PCDHGB7: variants seen among roughly 807,000 people sequenced by gnomAD.
The protein encoded by PCDHGB7 is protocadherin gamma-B7.
PCDHGB7 carries 37 observed loss-of-function variants against 61.4 expected under a neutral mutation model. The observed-to-expected ratio is 0.60, with a 90% confidence interval of 0.46 to 0.79. The LOEUF is 0.79. Among genes scored for constraint, PCDHGB7 ranks in the 30% least tolerant of loss-of-function variants. The probability of loss-of-function intolerance (pLI) is 0.00; values close to 1 mark genes in which losing one functional copy is unlikely to be tolerated. For synonymous variants in PCDHGB7, 464 were observed against 503.5 expected, an observed-to-expected ratio of 0.92 and a Z score of 1.05; for missense variants, 1,166 against 1,202.5, an observed-to-expected ratio of 0.97 and a Z score of 0.45.
rs1186225096 is a variant in PCDHGB7, at chr5:141,490,605, C to G, written c.2416-4202C>G. The G allele has an allele frequency of 1.1e-5, 18 of 1,614,198 alleles. No homozygotes were observed. Among genetic ancestry groups the G allele is most frequent in the Non-Finnish European group, 1.5e-5 (18 of 1,180,030 alleles). On this transcript the variant is annotated intron_variant, in intron 1 of 3. Transcript: ENST00000398594. The surrounding 1 kb of genome is among the most constrained non-coding windows in gnomAD (Gnocchi z 5.4). ...TCAATGACAATGCACCCCGCTTCAACCAGCAGCTTTACACTGCTTACATCC... is the reference window on the plus strand; with the variant it reads ...TCAATGACAATGCACCCCGCTTCAAGCAGCAGCTTTACACTGCTTACATCC...
rs2096416788 is a variant in PCDHGB7, at chr5:141,419,692, C to T, written c.1833C>T (p.Ala611=). The change falls in exon 1 of 4, where the codon GCC becomes GCT. Residue 611 remains alanine (A), a synonymous_variant. Coordinates refer to ENST00000398594, the MANE Select transcript of PCDHGB7 (RefSeq NM_018927.4). ...GGCTGTCCTACCACGTGGTGCAGGC[C>T]AGTGAGCCCGGGCTCTTCAGCCTGG... ...NAWLSYHVVQ[A]SEPGLFSLGL... The T allele has an allele frequency of 9.3e-6, 15 of 1,612,780 alleles. No individual in the cohort carries two copies. The highest frequency in any genetic ancestry group is 1.3e-5 in the Non-Finnish European group (15 of 1,179,514).
intron 1 of PCDHGB7, chr5:141,430,849 G>A: frequency 6.3e-7 from 1 of 1,582,030 alleles, no homozygotes; most frequent in Non-Finnish European, 8.6e-7. Flanking sequence ...GATGCACCCA[G>A]ATACGCTATT....
intron 1 of PCDHGB7, among the ~76,000 whole-genome samples, chr5:141,482,089 CA>C (rs36035257): frequency 0.43 from 58,297 of 134,322 alleles, 12,050 homozygotes; most frequent in African/African-American, 0.53. Context: ...CACTCCATCT[CA>C]AAAAAAAAAA....
At position 141,485,135 on chromosome 5, in the gene PCDHGB7, G is replaced by A; in HGVS notation, c.2416-9672G>A. 6.7e-7 allele frequency: 1 copy of A among 1,500,498 alleles called. No individual in the cohort carries two copies. Among genetic ancestry groups the A allele is most frequent in the East Asian group, 2.3e-5 (1 of 44,254 alleles). 92.9% of individuals were successfully genotyped at this position (1,500,498 alleles called of 1,614,324 possible). A position where few individuals can be genotyped will look rare whatever the true frequency, so the allele number is the denominator to read the frequency against. On this transcript the variant is annotated intron_variant, in intron 1 of 3. Coordinates refer to ENST00000398594, the MANE Select transcript of PCDHGB7 (RefSeq NM_018927.4). The surrounding 1 kb of genome is among the most constrained non-coding windows in gnomAD (Gnocchi z 5.7). ...TGTTTGGGGCGGGTCGGCTTCATCCGCGTCTCAGGAGCAAGTAGAGAATTA... is the reference window on the plus strand; with the variant it reads ...TGTTTGGGGCGGGTCGGCTTCATCCACGTCTCAGGAGCAAGTAGAGAATTA...
chr5:141,482,205 C>A (rs1478729653), intron 1 of PCDHGB7, among the ~76,000 whole-genome samples: 1 of 151,896 alleles, frequency 6.6e-6, no homozygotes, highest in Non-Finnish European at 1.5e-5. Context: ...TAAAACAGAC[C>A]AGGTACTTGT....
intron 1 of PCDHGB7, among the ~76,000 whole-genome samples, chr5:141,458,336 GA>G (rs762646440): frequency 1.3e-5 from 2 of 152,118 alleles, no homozygotes; most frequent in Non-Finnish European, 2.9e-5. Context: ...TGGTTTTAAG[GA>G]GTGGAGAGTT....
rs552017054 is a variant in PCDHGB7 at position 141,425,594 on chromosome 5, A to G, written c.2415+5320A>G. On this transcript the variant is annotated intron_variant, in intron 1 of 3. Transcript: ENST00000398594. ...GGGTTTGGCTAACTTTATTCTGAAT[A>G]TGCCCTATATAGCTTTCAGTGCTCC... 2.6e-5 allele frequency among the ~76,000 whole-genome samples: 4 copies of G among 152,370 alleles called. No homozygotes were observed. In the South Asian group the frequency reaches 8.3e-4, roughly 32 times the overall value.
chr5:141,419,698 G>A lies in PCDHGB7; in HGVS notation c.1839G>A (p.Glu613=). 1 of 1,612,978 alleles carries A rather than the reference G, an allele frequency of 6.2e-7. No homozygotes were observed. The highest frequency in any genetic ancestry group is 8.5e-7 in the Non-Finnish European group (1 of 1,179,532). ...WLSYHVVQAS[E]PGLFSLGLRT... ...CCTACCACGTGGTGCAGGCCAGTGA[G>A]CCCGGGCTCTTCAGCCTGGGGCTGC... is the stretch of plus-strand genomic sequence containing the variant. The change falls in exon 1 of 4, where the codon GAG becomes GAA. Residue 613 remains glutamate, a synonymous_variant. Coordinates refer to ENST00000398594, the MANE Select transcript of PCDHGB7 (RefSeq NM_018927.4).
Position 141,420,211 on chromosome 5 carries a change from T to C in PCDHGB7, c.2352T>C (p.Asp784=), listed in dbSNP as rs759486952. The change falls in exon 1 of 4, where the codon GAT becomes GAC. Residue 784 remains aspartate (D), a synonymous_variant. Coordinates refer to ENST00000398594, the MANE Select transcript of PCDHGB7 (RefSeq NM_018927.4). ...CPATQDNLNK[D]SMLLASILTP... is the part of the protein sequence containing the mutation. ...CCACACAAGATAACCTCAACAAAGATAGCATGCTACTGGCTAGCATTTTAA... is the reference window on the plus strand; with the variant it reads ...CCACACAAGATAACCTCAACAAAGACAGCATGCTACTGGCTAGCATTTTAA... 11 of 1,612,388 alleles carry C rather than the reference T, an allele frequency of 6.8e-6. No homozygotes were observed. Among genetic ancestry groups the C allele is most frequent in the African/African-American group, 1.3e-5 (1 of 74,896 alleles).
chr5:141,487,595 G>C lies in PCDHGB7; in HGVS notation c.2416-7212G>C. ...TGTTCGCCCAAGCTGCCCACCCTCT[G>C]ATCTTCTCTATGGGCTAGAGGTGAG... On this transcript the variant is annotated intron_variant, in intron 1 of 3. Coordinates refer to ENST00000398594, the MANE Select transcript of PCDHGB7 (RefSeq NM_018927.4). The surrounding 1 kb of genome is among the most constrained non-coding windows in gnomAD (Gnocchi z 5.0). 1 of 1,614,202 alleles carries C rather than the reference G, an allele frequency of 6.2e-7. No homozygotes were observed. The highest frequency in any genetic ancestry group is 8.5e-7 in the Non-Finnish European group (1 of 1,180,038).
intron 1 of PCDHGB7, among the ~76,000 whole-genome samples, chr5:141,472,274 G>A (rs1170341842): frequency 6.6e-6 from 1 of 152,176 alleles, no homozygotes; most frequent in Admixed American, 6.5e-5. Flanking sequence ...GGGCACAGTG[G>A]CTCACACCTG....
chr5:141,499,012 G>GGAAGGAAT, intron 2 of PCDHGB7, among the ~76,000 whole-genome samples: 1 of 147,618 alleles, frequency 6.8e-6, no homozygotes. Context: ...AAGGAAGGAA[G>GGAAGGAAT]GAAGGAAGGA....
At position 141,490,821 on chromosome 5, in the gene PCDHGB7, G is replaced by A. The variant is rs907584239; in HGVS notation, c.2416-3986G>A. On this transcript the variant is annotated intron_variant, in intron 1 of 3. Transcript: ENST00000398594. The surrounding 1 kb of genome is among the most constrained non-coding windows in gnomAD (Gnocchi z 5.4). ...AGCGTACCTTTGACTATGAATTGCT[G>A]CAGATGCTGCAGATTGTGGTGGGGG... 6.2e-7 allele frequency: 1 copy of A among 1,613,876 alleles called. No homozygotes were observed. Among genetic ancestry groups the A allele is most frequent in the Non-Finnish European group, 8.5e-7 (1 of 1,179,826 alleles).
At chr5:141,436,331 T>A (rs919524287) in intron 1 of PCDHGB7, among the ~76,000 whole-genome samples, 1 of 152,198 alleles carries the variant, frequency 6.6e-6, no homozygotes, top group Non-Finnish European at 1.5e-5. Flanking sequence ...TTAGACCATA[T>A]CTCAAATATC....
chr5:141,447,823 C>T lies in PCDHGB7; in HGVS notation c.2415+27549C>T, dbSNP rs192381755. ...AAAATTGGCTGGGCGTGGTGGCTCA[C>T]GCCTGTAATCCCAGTGCTTTGGGAG... On this transcript the variant is annotated intron_variant, in intron 1 of 3. Coordinates refer to ENST00000398594, the MANE Select transcript of PCDHGB7 (RefSeq NM_018927.4). Among the ~76,000 whole-genome samples, 677 of 152,272 alleles carry T rather than the reference C, an allele frequency of 4.4e-3. 5 individuals are homozygous for T. Among genetic ancestry groups the T allele is most frequent in the African/African-American group, 0.015 (635 of 41,548 alleles).
At chr5:141,495,810 C>A (rs1003475681) in intron 2 of PCDHGB7, among the ~76,000 whole-genome samples, 2 of 152,088 alleles carry the variant, frequency 1.3e-5, no homozygotes, top group African/African-American at 4.8e-5. Flanking sequence ...CGTTTCCTAG[C>A]GCCTTGTGTT....
chr5:141,496,554 G>T (rs2099769470), intron 2 of PCDHGB7, among the ~76,000 whole-genome samples: 1 of 152,160 alleles, frequency 6.6e-6, no homozygotes, highest in Non-Finnish European at 1.5e-5. Context: ...TTCTGGGCAT[G>T]CACAGTCCTG....
At chr5:141,445,213 A>C (rs775782586) in intron 1 of PCDHGB7, among the ~76,000 whole-genome samples, 1 of 152,226 alleles carries the variant, frequency 6.6e-6, no homozygotes, top group Non-Finnish European at 1.5e-5. Context: ...TTGAAAAGTA[A>C]GAGGTGCAAA....
At position 141,419,598 on chromosome 5, in the gene PCDHGB7, G is replaced by A. The variant is rs1466867194; in HGVS notation, c.1739G>A (p.Arg580Gln). The change falls in exon 1 of 4, where the codon CGG becomes CAG. Residue 580 changes from arginine to glutamine, a missense_variant. Transcript: ENST00000398594. The part of the protein sequence containing the change: ...DGSALFDTVP[R>Q]AAQPGYLVTK... ...TCCGCGCTCTTCGACACAGTGCCGC[G>A]GGCCGCGCAGCCAGGCTACCTGGTG... 21 of 1,611,674 alleles carry A rather than the reference G, an allele frequency of 1.3e-5. No individual in the cohort carries two copies. In the South Asian group the frequency reaches 1.3e-4, roughly 10 times the overall value.
Sources: gnomAD v4.1 joint callset for allele counts (sites outside exome capture counted in the v4.1 genomes callset) on GRCh38, gnomAD v4.1.1 for gene constraint, Gnocchi (gnomAD v3.1) non-coding constraint, MANE v1.5 for transcripts, NCBI Gene and HGNC (gene_info 2026-07-23, HGNC 2026-07-21) for gene names.